RNF103: variants seen among roughly 807,000 people sequenced by gnomAD.
The protein encoded by RNF103 is ring finger protein 103, also known as E3 ubiquitin-protein ligase RNF103.
Under a neutral mutation model 66.2 loss-of-function variants are expected in RNF103, and 23 were observed. The ratio of observed to expected loss-of-function variants is 0.35; its 90% CI spans 0.25 to 0.49. RNF103 has a LOEUF of 0.49. Ranked by LOEUF, RNF103 falls within the 20% of genes least tolerant of loss-of-function variation. RNF103 has a pLI of 0.98. For missense variants in RNF103, 730 were observed against 814.7 expected, an observed-to-expected ratio of 0.90 and a Z score of 1.27; for synonymous variants, 297 against 289.9, an observed-to-expected ratio of 1.02 and a Z score of -0.25.
In RNF103 at chr2:86,605,514, A is replaced by C. The variant is rs367692850; in HGVS notation, c.483-96T>G. 2.9e-5 allele frequency: 37 copies of C among 1,293,264 alleles called. No homozygotes were observed. In the East Asian group the frequency reaches 4.8e-4, roughly 17 times the overall value. The allele number at this position is 1,293,264 out of a possible 1,614,324, so 80.1% of individuals were successfully genotyped here. ...CTTTAGCACCTCACCCCAAAGCCAA[A>C]TAATTTCCAAATAATCAAAAAGTGG... On this transcript the variant is annotated intron_variant, in intron 3 of 3. Transcript: ENST00000237455.
At chr2:86,612,508 C>G (rs1678839084) in intron 2 of RNF103, 1 of 355,542 alleles carries the variant, frequency 2.8e-6, no homozygotes, top group Admixed American at 4.8e-5. Flanking sequence ...GTGGCAGTTA[C>G]AAAGAGAGGG....
At chr2:86,615,537 T>TATATATATATATA (rs1553415795) in intron 2 of RNF103, among the ~76,000 whole-genome samples, 1 of 145,838 alleles carries the variant, frequency 6.9e-6, no homozygotes, top group Non-Finnish European at 1.5e-5. Flanking sequence ...TATATATATA[T>TATATATATATATA]AATATATATA....
intron 2 of RNF103, chr2:86,617,806 T>A: frequency 1.9e-6 from 2 of 1,039,792 alleles, no homozygotes; most frequent in Non-Finnish European, 2.3e-6. Context: ...AGTACAACCC[T>A]CTTTTAAGGG....
chr2:86,610,518 TTTTTA>T (rs752714657), intron 3 of RNF103, among the ~76,000 whole-genome samples: 4 of 152,224 alleles, frequency 2.6e-5, no homozygotes, highest in Non-Finnish European at 5.9e-5. Context: ...TAACAGATTA[TTTTTA>T]TTTTGTTTTT....
At position 86,620,480 on chromosome 2, in the gene RNF103, G is replaced by T; in HGVS notation, c.227-11C>A. The T allele has an allele frequency of 6.4e-7, 1 of 1,559,830 alleles. No homozygotes were observed. ...CCTCCATCAAGTCACCTGAAGAAAGGAAAAGAATAACACTAATAAGGTTGC... is the reference window on the plus strand; with the variant it reads ...CCTCCATCAAGTCACCTGAAGAAAGTAAAAGAATAACACTAATAAGGTTGC... On this transcript the variant is annotated splice_polypyrimidine_tract_variant and intron_variant, in intron 1 of 3. Transcript: ENST00000237455.
intron 3 of RNF103, among the ~76,000 whole-genome samples, chr2:86,608,025 CA>C (rs1391369585): frequency 6.6e-6 from 1 of 151,982 alleles, no homozygotes; most frequent in Admixed American, 6.5e-5. Flanking sequence ...ATTGCCAATT[CA>C]AAAAAAATTT....
At chr2:86,616,147 G>A (rs1161247334) in intron 2 of RNF103, among the ~76,000 whole-genome samples, 2 of 152,122 alleles carry the variant, frequency 1.3e-5, no homozygotes, top group East Asian at 3.8e-4. Context: ...GTTTAATTCA[G>A]TGCATTTTAA....
intron 2 of RNF103, among the ~76,000 whole-genome samples, chr2:86,615,538 A>ATATATATATATATATATAT (rs900412430): frequency 1.5e-5 from 2 of 137,258 alleles, no homozygotes; most frequent in East Asian, 2.6e-4. Context: ...ATATATATAT[A>ATATATATATATATATATAT]ATATATATAC....
At position 86,620,416 on chromosome 2, in the gene RNF103, C is replaced by T. The variant is rs780637344; in HGVS notation, c.280G>A (p.Glu94Lys). 2.5e-6 allele frequency: 4 copies of T among 1,605,188 alleles called. No homozygotes were observed. Among genetic ancestry groups the T allele is most frequent in the Middle Eastern group, 1.7e-4 (1 of 6,028 alleles). The change falls in exon 2 of 4, where the codon GAA (glutamate) becomes AAA (lysine). Residue 94 changes from glutamate to lysine, a missense_variant. Around this residue, in one of 3 missense-constraint regions of RNF103, gnomAD observed 327 missense variants for 369.8 expected, o/e 0.88. Transcript: ENST00000237455. ...YSALKEEEAS[E>K]SVSSTNFSGE... ...CTGAAATTGGTACTAGAAACCGATT[C>T]GGATGCTTCTTCTTCCTTGAGAGCA...
At position 86,622,930 on chromosome 2, in the gene RNF103, G is replaced by A; in HGVS notation, c.-44C>T. 5 of 1,548,974 alleles carry A rather than the reference G, an allele frequency of 3.2e-6. No individual in the cohort carries two copies. The highest frequency in any genetic ancestry group is 4.4e-6 in the Non-Finnish European group (5 of 1,146,302). On this transcript the variant is annotated 5_prime_UTR_variant, in exon 1 of 4. Coordinates refer to ENST00000237455, the MANE Select transcript of RNF103 (RefSeq NM_005667.4). ...TCTTTCCAGAGAGCTCGGAATACGG[G>A]AGAGAGAAGGGTCGAGGGCGGGGGC...
intron 2 of RNF103, chr2:86,618,408 C>A (rs1377731206): frequency 6.5e-6 from 1 of 154,504 alleles, no homozygotes; most frequent in Non-Finnish European, 1.4e-5. Flanking sequence ...GGGCCCAGAA[C>A]AGGGCCTGGC....
At chr2:86,619,661 A>G (rs1048794842) in intron 2 of RNF103, among the ~76,000 whole-genome samples, 1 of 152,236 alleles carries the variant, frequency 6.6e-6, no homozygotes, top group Admixed American at 6.5e-5. Context: ...TCTAATTTAC[A>G]TTAAAATATG....
chr2:86,623,406 G>T lies in RNF103; in HGVS notation c.-520C>A. On this transcript the variant is annotated 5_prime_UTR_variant, in exon 1 of 4. Transcript: ENST00000237455. ...GGACTCCCGCGGCCGCGGGTCAGGA[G>T]GGCGCGGCGCTCGGCCGGGCCAGGC... The T allele has an allele frequency of 1.0e-6, 1 of 980,946 alleles. No individual in the cohort carries two copies. The highest frequency in any genetic ancestry group is 1.2e-6 in the Non-Finnish European group (1 of 827,508). The allele number at this position is 980,946 out of a possible 1,614,324, so 60.8% of individuals were successfully genotyped here.
intron 1 of RNF103, among the ~76,000 whole-genome samples, chr2:86,620,719 G>A (rs924361334): frequency 1.3e-5 from 2 of 152,082 alleles, no homozygotes; most frequent in African/African-American, 4.8e-5. Context: ...TTATAGAACA[G>A]GGCTTATATT....
intron 3 of RNF103, among the ~76,000 whole-genome samples, chr2:86,608,486 C>CAAAAAAA (rs1222638516): frequency 2.5e-5 from 1 of 40,108 alleles, no homozygotes; most frequent in African/African-American, 7.5e-5. Context: ...GACTCCATCT[C>CAAAAAAA]AAAAAAAAAA....
intron 3 of RNF103, among the ~76,000 whole-genome samples, chr2:86,607,917 C>T (rs1678633331): frequency 1.3e-5 from 2 of 152,144 alleles, no homozygotes; most frequent in Admixed American, 1.3e-4. Flanking sequence ...AGAAAACAAA[C>T]ATATTATGTG....
chr2:86,622,550 C>T, intron 1 of RNF103, 111 bp downstream of exon 1: 1 of 1,063,536 alleles, frequency 9.4e-7, no homozygotes, highest in South Asian at 1.4e-5. Flanking sequence ...ACCTGGGCAG[C>T]TTTAACGCTT....
chr2:86,608,771 C>T (rs1287530664), intron 3 of RNF103, among the ~76,000 whole-genome samples: 1 of 151,744 alleles, frequency 6.6e-6, no homozygotes, highest in African/African-American at 2.4e-5. Flanking sequence ...CACATCATTA[C>T]CACCTCATCT....
intron 2 of RNF103, among the ~76,000 whole-genome samples, chr2:86,615,511 A>T (rs1230148114): frequency 7.3e-6 from 1 of 136,860 alleles, no homozygotes; most frequent in Non-Finnish European, 1.6e-5. Flanking sequence ...ATATATATAT[A>T]CATATGCCTT....
Sources: allele counts gnomAD v4.1 joint callset (sites outside exome capture counted in the v4.1 genomes callset), GRCh38; gene constraint gnomAD v4.1.1; regional missense constraint gnomAD v4.1.1; transcripts MANE v1.5; gene names NCBI Gene and HGNC (gene_info 2026-07-23, HGNC 2026-07-21).